TUSC3: variants seen among roughly 807,000 people sequenced by gnomAD.
TUSC3 encodes tumor suppressor candidate 3, also known as dolichyl-diphosphooligosaccharide--protein glycosyltransferase subunit TUSC3.
In TUSC3, 45 loss-of-function variants were observed where a neutral mutation model predicts 44.8. That is an observed-to-expected ratio of 1.00 (90% CI 0.79 to 1.29). The LOEUF is 1.29. Among genes scored for constraint, TUSC3 ranks in the 50% most tolerant of loss-of-function variants. The pLI is 0.00. For synonymous variants in TUSC3, 212 were observed against 152.9 expected (o/e 1.39, Z -2.85); for missense variants, 519 against 437.9 (o/e 1.19, Z -1.65).
intron 1 of TUSC3, among the ~76,000 whole-genome samples, chr8:15,435,731 G>T (rs1014781119): frequency 6.6e-6 from 1 of 152,180 alleles, no homozygotes; most frequent in Non-Finnish European, 1.5e-5. Context: ...GAGAAATAAG[G>T]ATTTTTAAGG....
At chr8:15,661,308 TATTTC>T in intron 4 of TUSC3, among the ~76,000 whole-genome samples, 1 of 152,216 alleles carries the variant, frequency 6.6e-6, no homozygotes, top group East Asian at 1.9e-4. Context: ...TAGAGTTAGA[TATTTC>T]ATTTAATTGT....
intron 1 of TUSC3, among the ~76,000 whole-genome samples, chr8:15,438,103 T>C (rs5006326): frequency 0.16 from 24,786 of 152,122 alleles, 2,086 homozygotes; most frequent in Middle Eastern, 0.22. Context: ...GTGTGTTTTG[T>C]TGGGTTTTTT....
At chr8:15,771,693 C>G in the TUSC3 span, among the ~76,000 whole-genome samples, 1 of 151,940 alleles carries the variant, frequency 6.6e-6, no homozygotes, top group Admixed American at 6.6e-5. Context: ...TAGAAAACAC[C>G]TGAAGACAAA....
the TUSC3 span, among the ~76,000 whole-genome samples, chr8:15,851,262 G>A: frequency 2.8e-4 from 43 of 152,054 alleles, no homozygotes; most frequent in Admixed American, 2.8e-3. Flanking sequence ...TATTTATTGA[G>A]CATCTTTTAT....
chr8:15,442,183 T>C (rs1172674196), intron 1 of TUSC3, among the ~76,000 whole-genome samples: 3 of 152,088 alleles, frequency 2.0e-5, no homozygotes, highest in Non-Finnish European at 4.4e-5. Flanking sequence ...AAATATAGTA[T>C]ATATACGATT....
intron 3 of TUSC3, among the ~76,000 whole-genome samples, chr8:15,651,610 C>T (rs1040671231): frequency 6.6e-6 from 1 of 152,146 alleles, no homozygotes. Context: ...TAGAACACAG[C>T]GAGAAGATGG....
Position 15,435,378 on chromosome 8 carries a change from T to C in TUSC3, n.91+18073T>C, listed in dbSNP as rs940313301. Among the ~76,000 whole-genome samples, 8 of 152,330 alleles carry C rather than the reference T, an allele frequency of 5.3e-5. No individual in the cohort carries two copies. In the South Asian group the frequency reaches 6.2e-4, roughly 12 times the overall value. The stretch of plus-strand genomic sequence containing the variant: ...ACAGACACTTCTCAAAACTCATTCC[T>C]TATATATTAATGGAAAGGGCTTGAA... On this transcript the variant is annotated intron_variant and non_coding_transcript_variant, in intron 1 of 5. Coordinates refer to the TUSC3 transcript ENST00000503191.
At chr8:15,851,360 A>G in the TUSC3 span, among the ~76,000 whole-genome samples, 145,811 of 152,292 alleles carry the variant, frequency 0.96, 69,840 homozygotes, top group African/African-American at 0.97. Flanking sequence ...GACAATGTAC[A>G]ATAGGTAATT....
At position 15,490,460 on chromosome 8, in the gene TUSC3, G is replaced by GC. The variant is rs574786283; in HGVS notation, n.189+6981dup. On this transcript the variant is annotated intron_variant and non_coding_transcript_variant, in intron 2 of 5. Transcript: ENST00000503191. ...ATCACCACCCTGCAATTTTCCAGCA[G>GC]CCCCTCCCATTGGGTGCACTCAACT... Among the ~76,000 whole-genome samples, 735 of 152,202 alleles carry GC rather than the reference G, an allele frequency of 4.8e-3. 5 individuals are homozygous for GC. Among genetic ancestry groups the GC allele is most frequent in the African/African-American group, 0.017 (706 of 41,528 alleles).
rs192316212 is a variant in TUSC3, at chr8:15,430,722, A to G, written n.91+13417A>G. ...TTGCAGATGACATGCTTGTATATCTAGAAAACCCCATTGTCTCAGCCCAAA... is the reference window on the plus strand; with the variant it reads ...TTGCAGATGACATGCTTGTATATCTGGAAAACCCCATTGTCTCAGCCCAAA... On this transcript the variant is annotated intron_variant and non_coding_transcript_variant, in intron 1 of 5. Coordinates refer to the TUSC3 transcript ENST00000503191. Among the ~76,000 whole-genome samples, 20 of 151,818 alleles carry G rather than the reference A, an allele frequency of 1.3e-4. 1 individual carries two copies. Among genetic ancestry groups the G allele is most frequent in the African/African-American group, 4.6e-4 (19 of 41,112 alleles).
At chr8:15,847,484 C>T in the TUSC3 span, among the ~76,000 whole-genome samples, 339 of 152,208 alleles carry the variant, frequency 2.2e-3, 1 homozygote, top group African/African-American at 7.8e-3. Flanking sequence ...CTTGACTGGG[C>T]TCCTGTTCTT....
intron 1 of TUSC3, among the ~76,000 whole-genome samples, chr8:15,581,411 C>T (rs1585122086): frequency 1.3e-5 from 2 of 149,644 alleles, no homozygotes; most frequent in South Asian, 2.1e-4. Flanking sequence ...TTAGAGTTTC[C>T]AGTTTTTCAG....
intron 3 of TUSC3, among the ~76,000 whole-genome samples, chr8:15,653,209 T>C (rs1806994808): frequency 6.6e-6 from 1 of 152,156 alleles, no homozygotes. Context: ...TACAGCAGAT[T>C]GGAGAGAGGA....
At chr8:15,555,001 G>A (rs1802193917) in intron 1 of TUSC3, among the ~76,000 whole-genome samples, 2 of 151,508 alleles carry the variant, frequency 1.3e-5, no homozygotes, top group South Asian at 4.2e-4. Context: ...GGCTATTTAA[G>A]TTTGGGGTTT....
At chr8:15,507,049 C>G (rs962927918) in intron 2 of TUSC3, among the ~76,000 whole-genome samples, 4 of 152,176 alleles carry the variant, frequency 2.6e-5, no homozygotes, top group African/African-American at 9.7e-5. Context: ...ATTTTGAAGG[C>G]TCCCATGTAT....
At chr8:15,502,172 T>C (rs1800975772) in intron 2 of TUSC3, among the ~76,000 whole-genome samples, 1 of 152,250 alleles carries the variant, frequency 6.6e-6, no homozygotes, top group Admixed American at 6.5e-5. Context: ...TAAGTCAAAT[T>C]GCAAACTATG....
At chr8:15,795,800 T>C in the TUSC3 span, among the ~76,000 whole-genome samples, 1 of 152,188 alleles carries the variant, frequency 6.6e-6, no homozygotes, top group Admixed American at 6.5e-5. Context: ...TCCAGATCAG[T>C]TTGAGTAATG....
chr8:15,537,264 T>A (rs1457420061), upstream of TUSC3, among the ~76,000 whole-genome samples: 5 of 152,268 alleles, frequency 3.3e-5, no homozygotes, highest in Middle Eastern at 3.4e-3. Context: ...ACTCCACCAA[T>A]CGTCAGTCAG....
rs535658406 is a variant in TUSC3 at position 15,590,243 on chromosome 8, T to A, written c.139-32837T>A. On this transcript the variant is annotated intron_variant, in intron 1 of 10. Transcript: ENST00000503731. ...ACTCTGCTCTGGTTTCAGGCCTTTATGTCTTTAAGTCTTTAATTTTGCAGA... is the reference window on the plus strand; with the variant it reads ...ACTCTGCTCTGGTTTCAGGCCTTTAAGTCTTTAAGTCTTTAATTTTGCAGA... 2.6e-5 allele frequency among the ~76,000 whole-genome samples: 4 copies of A among 152,326 alleles called. No individual in the cohort carries two copies. In the East Asian group the frequency reaches 7.7e-4, roughly 29 times the overall value.
Sources: allele counts gnomAD v4.1 joint callset (sites outside exome capture counted in the v4.1 genomes callset), GRCh38; gene constraint gnomAD v4.1.1; transcripts MANE v1.5; gene names NCBI Gene and HGNC (gene_info 2026-07-23, HGNC 2026-07-21).